The following EFNA5 variants were observed in gnomAD, a reference collection of about 807,000 sequenced individuals.
The protein encoded by EFNA5 is ephrin-A5.
EFNA5 carries 5 observed loss-of-function variants against 22.9 expected under a neutral mutation model. The ratio of observed to expected loss-of-function variants is 0.22; its 90% CI spans 0.11 to 0.46. The LOEUF is 0.46. Among genes scored for constraint, EFNA5 ranks in the 20% least tolerant of loss-of-function variants. The pLI, the probability that EFNA5 is intolerant of heterozygous loss-of-function variation, is 0.99. For synonymous variants in EFNA5, 113 were observed against 112.2 expected (o/e 1.01, Z -0.04); for missense variants, 237 against 293.3 (o/e 0.81, Z 1.40).
chr5:107,501,654 T>G (rs1379775591), intron 1 of EFNA5, among the ~76,000 whole-genome samples: 1 of 152,270 alleles, frequency 6.6e-6, no homozygotes, highest in African/African-American at 2.4e-5. Flanking sequence ...AATATCATTT[T>G]AATACAGTCA....
At chr5:107,497,810 C>T (rs1173173751) in intron 1 of EFNA5, among the ~76,000 whole-genome samples, 1 of 152,214 alleles carries the variant, frequency 6.6e-6, no homozygotes. Context: ...TTCAATTTCT[C>T]ATGATGTTTT....
At chr5:107,502,663 G>A (rs928501015) in intron 1 of EFNA5, among the ~76,000 whole-genome samples, 2 of 152,150 alleles carry the variant, frequency 1.3e-5, no homozygotes, top group Non-Finnish European at 2.9e-5. Flanking sequence ...TGCTCGAAGT[G>A]TATCAAACTA....
At chr5:107,514,706 A>T (rs550467523) in intron 1 of EFNA5, among the ~76,000 whole-genome samples, 2 of 152,252 alleles carry the variant, frequency 1.3e-5, no homozygotes. Flanking sequence ...AAATGCTCAG[A>T]CCCTCCAATG....
chr5:107,667,718 C>G (rs1460241290), intron 1 of EFNA5, among the ~76,000 whole-genome samples: 3 of 152,130 alleles, frequency 2.0e-5, no homozygotes, highest in Non-Finnish European at 4.4e-5. Flanking sequence ...TTAAAGTCCT[C>G]TATTCTTTTT....
At chr5:107,640,572 AG>A (rs1267673327) in intron 1 of EFNA5, among the ~76,000 whole-genome samples, 1 of 152,218 alleles carries the variant, frequency 6.6e-6, no homozygotes, top group African/African-American at 2.4e-5. Flanking sequence ...ATAAGGCCTG[AG>A]GGGCGAATCC....
chr5:107,431,476 T>A (rs1430970432), intron 1 of EFNA5, among the ~76,000 whole-genome samples: 1 of 152,218 alleles, frequency 6.6e-6, no homozygotes, highest in Non-Finnish European at 1.5e-5. Flanking sequence ...TTATCTCAAC[T>A]TAATCTCTAT....
chr5:107,569,517 GTGTGTATATATATTTATATATATA>G lies in EFNA5; in HGVS notation c.125+100948_125+100971del, dbSNP rs1561435855. Among the ~76,000 whole-genome samples, 942 of 127,820 alleles carry G rather than the reference GTGTGTATATATATTTATATATATA, an allele frequency of 7.4e-3. 26 individuals carry two copies. Among genetic ancestry groups the G allele is most frequent in the African/African-American group, 0.027 (891 of 33,372 alleles). 83.9% of individuals were successfully genotyped at this position (127,820 alleles called of 152,430 possible). A position where few individuals can be genotyped will look rare whatever the true frequency, so the allele number is the denominator to read the frequency against. ...TATATGTGTATATATATTTATATAT[GTGTGTATATATATTTATATATATA>G]TGTGTGTATATATATATTTATATAT... On this transcript the variant is annotated intron_variant, in intron 1 of 4. Transcript: ENST00000333274.
intron 1 of EFNA5, among the ~76,000 whole-genome samples, chr5:107,495,109 C>G (rs906313206): frequency 6.6e-6 from 1 of 152,286 alleles, no homozygotes; most frequent in African/African-American, 2.4e-5. Context: ...AGTGGCAACC[C>G]GCTCAGGTCC....
At chr5:107,410,873 C>T (rs1748348653) in intron 2 of EFNA5, among the ~76,000 whole-genome samples, 1 of 152,104 alleles carries the variant, frequency 6.6e-6, no homozygotes, top group Non-Finnish European at 1.5e-5. Flanking sequence ...TTAACCCAGT[C>T]TATTGCATGT....
At chr5:107,573,092 A>G (rs890483129) in intron 1 of EFNA5, among the ~76,000 whole-genome samples, 44 of 152,328 alleles carry the variant, frequency 2.9e-4, no homozygotes, top group African/African-American at 2.4e-5. Context: ...CACAAATGTC[A>G]TAAGTGAGTA....
intron 1 of EFNA5, among the ~76,000 whole-genome samples, chr5:107,635,892 T>A (rs1373103732): frequency 1.3e-5 from 2 of 152,170 alleles, no homozygotes; most frequent in Non-Finnish European, 2.9e-5. Flanking sequence ...TCACCCAGAT[T>A]GTGGGCAAAT....
intron 1 of EFNA5, among the ~76,000 whole-genome samples, chr5:107,530,462 A>G (rs1421275434): frequency 6.6e-6 from 1 of 152,228 alleles, no homozygotes; most frequent in Admixed American, 6.5e-5. Flanking sequence ...TAAAAAGTCC[A>G]AAGAGCTACC....
In EFNA5 at chr5:107,427,347, C is replaced by T; in HGVS notation, c.288G>A (p.Gly96=). Residue 96 remains glycine, a synonymous_variant, in exon 2 of 5, where the codon GGG becomes GGA. Coordinates refer to ENST00000333274, the MANE Select transcript of EFNA5 (RefSeq NM_001962.3). Reference sequence around the variant, plus strand: ...GCCGGTTACATTCCCATCTCTTGAACCCTTTGGAAGTGTGGTCGCAGGCAC... The same window carrying T: ...GCCGGTTACATTCCCATCTCTTGAATCCTTTGGAAGTGTGGTCGCAGGCAC... ...GYSACDHTSK[G]FKRWECNRPH... is the part of the protein sequence containing the mutation. The T allele has an allele frequency of 6.2e-7, 1 of 1,614,082 alleles. No individual in the cohort carries two copies.
Position 107,605,651 on chromosome 5 carries a change from G to T in EFNA5, c.125+64838C>A, listed in dbSNP as rs922197202. Among the ~76,000 whole-genome samples the T allele has an allele frequency of 8.4e-5, 11 of 130,534 alleles. No individual in the cohort carries two copies. The East Asian group carries it at 2.5e-3, about 29-fold the overall frequency. The allele number at this position is 130,534 out of a possible 152,430, so 85.6% of individuals were successfully genotyped here. ...ATTGCCAGCACCTTTCTCTTTTTTT[G>T]GGGTGCAAAAGTGGTTCGTTGATCC... On this transcript the variant is annotated intron_variant, in intron 1 of 4. Transcript: ENST00000333274.
At chr5:107,546,524 G>A (rs1748160713) in intron 1 of EFNA5, among the ~76,000 whole-genome samples, 1 of 152,166 alleles carries the variant, frequency 6.6e-6, no homozygotes, top group African/African-American at 2.4e-5. Context: ...GCAGCCAATT[G>A]CTTTGATTAC....
chr5:107,606,120 T>C (rs1368970493), intron 1 of EFNA5, among the ~76,000 whole-genome samples: 2 of 152,210 alleles, frequency 1.3e-5, no homozygotes, highest in South Asian at 4.1e-4. Flanking sequence ...TACTCAAGTA[T>C]TGCAAATCTT....
chr5:107,652,026 A>G (rs1369136835), intron 1 of EFNA5, among the ~76,000 whole-genome samples: 1 of 152,144 alleles, frequency 6.6e-6, no homozygotes, highest in Non-Finnish European at 1.5e-5. Context: ...TAGGAAGTAT[A>G]TGAGATATCT....
At chr5:107,545,245 T>C (rs1317614972) in intron 1 of EFNA5, among the ~76,000 whole-genome samples, 6 of 152,254 alleles carry the variant, frequency 3.9e-5, no homozygotes, top group Admixed American at 2.0e-4. Context: ...GGTTCAGTAA[T>C]ATCGGCTGTA....
intron 2 of EFNA5, among the ~76,000 whole-genome samples, chr5:107,406,210 TAATGTATACAAATATTAAATTAATAG>T: frequency 6.7e-6 from 1 of 150,100 alleles, no homozygotes; most frequent in Non-Finnish European, 1.5e-5. Context: ...TATTTGTATA[TAATGTATACAAATATTAAATTAATAG>T]AATGTATACA....
Sources: gnomAD v4.1 joint callset for allele counts (sites outside exome capture counted in the v4.1 genomes callset) on GRCh38, gnomAD v4.1.1 for gene constraint, MANE v1.5 for transcripts, NCBI Gene and HGNC (gene_info 2026-07-23, HGNC 2026-07-21) for gene names.